The following EYA2 variants were observed in gnomAD, a reference collection of about 807,000 sequenced individuals.
EYA2 encodes the protein EYA transcriptional coactivator and phosphatase 2.
A neutral mutation model predicts 69.2 loss-of-function variants in EYA2; 31 were observed. The observed-to-expected ratio is 0.45, with a 90% CI of 0.34 to 0.60. The LOEUF is 0.60. EYA2 is among the 20% of genes least tolerant of loss of function. The pLI is 0.02. For synonymous variants in EYA2, 257 were observed against 279.4 expected, an observed-to-expected ratio of 0.92 and a Z score of 0.80; for missense variants, 622 against 701.2, an observed-to-expected ratio of 0.89 and a Z score of 1.28.
chr20:46,907,965 G>GA (rs1371958443), intron 1 of EYA2, among the ~76,000 whole-genome samples: 1 of 152,186 alleles, frequency 6.6e-6, no homozygotes, highest in East Asian at 1.9e-4. Context: ...TTACATTGGG[G>GA]AAAATGTGTT....
rs1264883844 is a variant in EYA2, at chr20:47,148,058, C to CAAAAAAAAAAAAA, written c.978+4913_978+4925dup. On this transcript the variant is annotated intron_variant, in intron 10 of 15. Coordinates refer to ENST00000327619, the MANE Select transcript of EYA2 (RefSeq NM_005244.5). ...TGGGCGACAGAGCAAGACTCTGTCT[C>CAAAAAAAAAAAAA]AAAAAAAAAAAAAAAGAATAAAAAA... Among the ~76,000 whole-genome samples, 13 of 82,828 alleles carry CAAAAAAAAAAAAA rather than the reference C, an allele frequency of 1.6e-4. 1 individual carries two copies. The highest frequency in any genetic ancestry group is 5.8e-4 in the African/African-American group (12 of 20,596). The allele number at this position is 82,828 out of a possible 152,430, so 54.3% of individuals were successfully genotyped here.
At chr20:46,986,809 G>A (rs1490196738) in intron 1 of EYA2, among the ~76,000 whole-genome samples, 7 of 152,078 alleles carry the variant, frequency 4.6e-5, no homozygotes, top group Non-Finnish European at 1.0e-4. Flanking sequence ...CCATGGAGAG[G>A]ACACCAAGCC....
At chr20:47,137,907 C>T (rs777051066) in intron 9 of EYA2, among the ~76,000 whole-genome samples, 9 of 149,700 alleles carry the variant, frequency 6.0e-5, no homozygotes, top group Non-Finnish European at 1.0e-4. Flanking sequence ...CTAAACAGCG[C>T]GTATTCTCAC....
chr20:47,067,383 G>T (rs2031152011), intron 5 of EYA2, among the ~76,000 whole-genome samples: 1 of 151,978 alleles, frequency 6.6e-6, no homozygotes, highest in South Asian at 2.1e-4. Flanking sequence ...AGGATAGAGT[G>T]GGATTTTGTT....
intron 1 of EYA2, among the ~76,000 whole-genome samples, chr20:46,969,041 T>A (rs1232945893): frequency 6.6e-6 from 1 of 152,060 alleles, no homozygotes; most frequent in Admixed American, 6.5e-5. Flanking sequence ...GGCTCTTTCT[T>A]GTCTGTTTTC....
intron 10 of EYA2, among the ~76,000 whole-genome samples, chr20:47,155,140 G>A (rs963720858): frequency 2.0e-5 from 3 of 151,978 alleles, no homozygotes; most frequent in Non-Finnish European, 1.5e-5. Flanking sequence ...ACAGGCGTGA[G>A]CCGCCGCACC....
chr20:47,029,028 C>G (rs550189144), intron 5 of EYA2, among the ~76,000 whole-genome samples: 3 of 152,210 alleles, frequency 2.0e-5, no homozygotes, highest in Non-Finnish European at 4.4e-5. Flanking sequence ...TAAAATAAAA[C>G]TTACTGTGCA....
intron 7 of EYA2, among the ~76,000 whole-genome samples, chr20:47,074,832 C>T (rs1394180972): frequency 6.6e-6 from 1 of 152,186 alleles, no homozygotes; most frequent in Admixed American, 6.5e-5. Flanking sequence ...ATATTACCAG[C>T]TGGGCACGGT....
intron 5 of EYA2, among the ~76,000 whole-genome samples, chr20:47,064,582 G>C (rs1321727769): frequency 6.6e-6 from 1 of 152,154 alleles, no homozygotes; most frequent in Non-Finnish European, 1.5e-5. Context: ...AGCTTTTTAT[G>C]CACCGTTTTA....
chr20:47,026,063 A>G (rs544149839), intron 5 of EYA2, among the ~76,000 whole-genome samples: 2 of 152,268 alleles, frequency 1.3e-5, no homozygotes, highest in Non-Finnish European at 2.9e-5. Flanking sequence ...TAAAGCTTCA[A>G]TAATCAAAGC....
chr20:47,054,648 G>A (rs2030512709), intron 5 of EYA2, among the ~76,000 whole-genome samples: 2 of 152,078 alleles, frequency 1.3e-5, no homozygotes, highest in South Asian at 4.1e-4. Flanking sequence ...GGGCAGCCCA[G>A]GACTTGACCC....
intron 5 of EYA2, among the ~76,000 whole-genome samples, chr20:47,054,371 A>G (rs757798939): frequency 6.6e-6 from 1 of 152,210 alleles, no homozygotes; most frequent in Non-Finnish European, 1.5e-5. Context: ...TTCCCCTGAA[A>G]TTCATATACT....
chr20:47,058,998 G>A (rs77552918), intron 5 of EYA2, among the ~76,000 whole-genome samples: 2,866 of 152,292 alleles, frequency 0.019, 101 homozygotes, highest in African/African-American at 0.065. Context: ...TGCATGTTTT[G>A]CACTAATGCA....
intron 7 of EYA2, among the ~76,000 whole-genome samples, chr20:47,075,886 A>G (rs1452477697): frequency 2.0e-5 from 3 of 152,088 alleles, no homozygotes; most frequent in South Asian, 2.1e-4. Flanking sequence ...CCTTGGGTCT[A>G]TTGTTCCCTT....
chr20:46,965,869 T>C (rs568205209), intron 1 of EYA2, among the ~76,000 whole-genome samples: 1 of 152,362 alleles, frequency 6.6e-6, no homozygotes, highest in East Asian at 1.9e-4. Flanking sequence ...TCTGGCTACC[T>C]GGCTGTCGCG....
At chr20:46,901,826 T>G (rs532055034) in intron 1 of EYA2, 17 of 152,304 alleles carry the variant, frequency 1.1e-4, no homozygotes, top group African/African-American at 4.1e-4. Flanking sequence ...GTGCCTGTGT[T>G]GTCAACAGAG....
intron 1 of EYA2, among the ~76,000 whole-genome samples, chr20:46,980,655 A>T (rs371274302): frequency 5.3e-5 from 8 of 152,334 alleles, no homozygotes; most frequent in South Asian, 2.1e-4. Flanking sequence ...TGAATGTGTG[A>T]TAAACTATTG....
intron 10 of EYA2, among the ~76,000 whole-genome samples, chr20:47,156,878 T>C (rs1478387614): frequency 6.6e-6 from 1 of 151,920 alleles, no homozygotes; most frequent in Admixed American, 6.5e-5. Context: ...AGCATCATTT[T>C]TCTAACGCAA....
At chr20:47,036,061 C>T (rs1294280389) in intron 5 of EYA2, among the ~76,000 whole-genome samples, 3 of 152,284 alleles carry the variant, frequency 2.0e-5, no homozygotes, top group South Asian at 2.1e-4. Flanking sequence ...CTGGGGACCA[C>T]GGACCAGGCT....
Sources: allele counts gnomAD v4.1 joint callset (sites outside exome capture counted in the v4.1 genomes callset), GRCh38; gene constraint gnomAD v4.1.1; transcripts MANE v1.5; gene names NCBI Gene and HGNC (gene_info 2026-07-23, HGNC 2026-07-21).